The following VPS13A variants were observed in gnomAD, a reference collection of about 807,000 sequenced individuals.
VPS13A encodes the protein vacuolar protein sorting 13 homolog A, also known as intermembrane lipid transfer protein VPS13A.
VPS13A carries 264 observed loss-of-function variants against 390.9 expected under a neutral mutation model. The observed-to-expected ratio is 0.68, with a 90% CI of 0.61 to 0.75. VPS13A has a LOEUF of 0.75. Ranked by LOEUF, VPS13A falls within the 30% of genes least tolerant of loss-of-function variation. VPS13A has a pLI of 0.00. For synonymous variants in VPS13A, 1,231 were observed against 1,227.1 expected (o/e 1.00, Z -0.07); for missense variants, 3,409 against 3,733.9 (o/e 0.91, Z 2.27).
Position 77,260,174 on chromosome 9 carries a change from C to G in VPS13A, c.2377C>G (p.Pro793Ala). Reference sequence around the variant, plus strand: ...GATTATGGAATTGATTGAAAGCATTCCAAAACCTGAACCAGTAACTGAAGT... The same window carrying G: ...GATTATGGAATTGATTGAAAGCATTGCAAAACCTGAACCAGTAACTGAAGT... ...QGIMELIESI[P>A]KPEPVTEVSA... The change falls in exon 23 of 72, where the codon CCA becomes GCA. Residue 793 changes from proline to alanine, a missense_variant. Pro to Ala is a conservative substitution (Grantham distance 27, BLOSUM62 -1). Coordinates refer to ENST00000360280, the MANE Select transcript of VPS13A (RefSeq NM_033305.3). 1 of 1,612,994 alleles carries G rather than the reference C, an allele frequency of 6.2e-7. No individual in the cohort carries two copies. Among genetic ancestry groups the G allele is most frequent in the Non-Finnish European group, 8.5e-7 (1 of 1,179,370 alleles).
At chr9:77,186,520 C>T (rs1042929549) in intron 1 of VPS13A, among the ~76,000 whole-genome samples, 27 of 152,224 alleles carry the variant, frequency 1.8e-4, no homozygotes, top group Admixed American at 1.8e-3. Flanking sequence ...TTACTGCAAC[C>T]TCTGCCTCCT....
chr9:77,360,590 C>G lies in VPS13A; in HGVS notation c.8160C>G (p.Ile2720Met). 1 of 1,612,946 alleles carries G rather than the reference C, an allele frequency of 6.2e-7. No homozygotes were observed. Among genetic ancestry groups the G allele is most frequent in the East Asian group, 2.2e-5 (1 of 44,672 alleles). Reference protein sequence around the residue: ...EMDLRLDLGFIYALTDLMTEA... With the variant: ...EMDLRLDLGFMYALTDLMTEA... ...ATCTCAGGTTAGATCTTGGGTTTAT[C>G]TATGCTTTAACAGACCTTATGACAG... Residue 2720 changes from isoleucine to methionine, a missense_variant, in exon 59 of 72, where the codon ATC (isoleucine) becomes ATG (methionine). Physicochemically the swap from Ile to Met is conservative, Grantham distance 10. This residue lies in a region of VPS13A where 221 missense variants were observed against 300.7 expected (regional missense o/e 0.73). Transcript: ENST00000360280.
intron 1 of VPS13A, among the ~76,000 whole-genome samples, chr9:77,179,344 C>T (rs1337169852): frequency 2.0e-5 from 3 of 152,224 alleles, no homozygotes; most frequent in Non-Finnish European, 2.9e-5. Context: ...CATCAAGCCT[C>T]CCGAATTCTC....
chr9:77,183,787 G>T (rs955855304), intron 1 of VPS13A, among the ~76,000 whole-genome samples: 2 of 152,208 alleles, frequency 1.3e-5, no homozygotes, highest in African/African-American at 4.8e-5. Flanking sequence ...ACACAGATGT[G>T]CATAGCAGCT....
intron 54 of VPS13A, among the ~76,000 whole-genome samples, chr9:77,353,951 A>G (rs941607451): frequency 5.3e-5 from 8 of 152,088 alleles, no homozygotes; most frequent in Non-Finnish European, 7.4e-5. Flanking sequence ...TTCCATTACC[A>G]TCTAGCACAG....
intron 14 of VPS13A, 146 bp from the exon 15 acceptor site, chr9:77,226,320 C>T (rs567172557): frequency 1.4e-6 from 1 of 712,212 alleles, no homozygotes; most frequent in Non-Finnish European, 2.3e-6. Flanking sequence ...ACTAATGTTG[C>T]AGTTTCTGTG....
Position 77,259,177 on chromosome 9 carries a change from T to G in VPS13A, c.2289-909T>G, listed in dbSNP as rs190096490. Reference sequence around the variant, plus strand: ...GAAACTCCACAGGTGTCAGGAACATTCCCTTGAAAGTTGAGCTGCGTTAAG... The same window carrying G: ...GAAACTCCACAGGTGTCAGGAACATGCCCTTGAAAGTTGAGCTGCGTTAAG... On this transcript the variant is annotated intron_variant, in intron 22 of 71. Coordinates refer to ENST00000360280, the MANE Select transcript of VPS13A (RefSeq NM_033305.3). 2.2e-4 allele frequency among the ~76,000 whole-genome samples: 34 copies of G among 152,276 alleles called. 1 individual carries two copies. The East Asian group carries it at 4.8e-3, about 22-fold the overall frequency.
At chr9:77,337,209 G>T (rs1377862136) in intron 46 of VPS13A, 46 bp from the exon 47 acceptor site, 2 of 1,548,794 alleles carry the variant, frequency 1.3e-6, no homozygotes, top group East Asian at 2.3e-5. Flanking sequence ...AGTTTAATAT[G>T]TTTTCCTTTA....
intron 33 of VPS13A, among the ~76,000 whole-genome samples, chr9:77,300,005 A>T (rs893460114): frequency 9.2e-5 from 14 of 152,166 alleles, no homozygotes; most frequent in African/African-American, 3.1e-4. Flanking sequence ...TGACGGGTTG[A>T]TGGGTGCAGC....
Position 77,340,530 on chromosome 9 carries a change from C to G in VPS13A, c.7006C>G (p.Leu2336Val). 6.2e-7 allele frequency: 1 copy of G among 1,612,590 alleles called. No individual in the cohort carries two copies. The highest frequency in any genetic ancestry group is 1.7e-5 in the Admixed American group (1 of 59,992). ...GGCTGAAGAAGGAAATGATAAATGG[C>G]TCTCTCTTGATTTGGAGCAGGTGGG... ...SVAEEGNDKW[L>V]SLDLEQCIPF... The change falls in exon 50 of 72, where the codon CTC (leucine) becomes GTC (valine). Residue 2336 changes from leucine to valine, a missense_variant. By Grantham distance (32) the Leu-to-Val change is conservative (BLOSUM62 1). This residue lies in a region of VPS13A where 2,717 missense variants were observed against 2,917.4 expected (regional missense o/e 0.93). Coordinates refer to ENST00000360280, the MANE Select transcript of VPS13A (RefSeq NM_033305.3).
chr9:77,341,757 A>G (rs72746020), intron 50 of VPS13A, among the ~76,000 whole-genome samples: 10,666 of 119,868 alleles, frequency 0.089, 531 homozygotes, highest in Middle Eastern at 0.15. Context: ...TAAGTCTTCA[A>G]CTGAGTATTT....
At chr9:77,236,025 T>G (rs1025826836) in intron 17 of VPS13A, among the ~76,000 whole-genome samples, 4 of 152,190 alleles carry the variant, frequency 2.6e-5, no homozygotes, top group African/African-American at 9.6e-5. Flanking sequence ...TGTTAGATGA[T>G]TTTTCCCAAC....
intron 19 of VPS13A, among the ~76,000 whole-genome samples, chr9:77,240,713 G>A (rs1472310572): frequency 6.6e-6 from 1 of 151,140 alleles, no homozygotes; most frequent in Non-Finnish European, 1.5e-5. Flanking sequence ...TCTGTCCTCA[G>A]GTGATCCATC....
intron 1 of VPS13A, among the ~76,000 whole-genome samples, chr9:77,191,410 C>G (rs1824680765): frequency 6.6e-6 from 1 of 151,788 alleles, no homozygotes; most frequent in Non-Finnish European, 1.5e-5. Flanking sequence ...CCTCCCACCT[C>G]TCAGCCTCCT....
intron 1 of VPS13A, among the ~76,000 whole-genome samples, chr9:77,183,561 C>G (rs569228866): frequency 1.3e-5 from 2 of 152,042 alleles, no homozygotes; most frequent in Non-Finnish European, 2.9e-5. Flanking sequence ...TAATTTATTC[C>G]TTTTTATTGC....
chr9:77,412,204 A>C (rs1361296621), intron 71 of VPS13A, among the ~76,000 whole-genome samples: 9 of 152,224 alleles, frequency 5.9e-5, no homozygotes, highest in Non-Finnish European at 8.8e-5. Context: ...AAACTATTCC[A>C]ATCAATAGAA....
intron 27 of VPS13A, among the ~76,000 whole-genome samples, chr9:77,280,460 A>G (rs1304763765): frequency 1.3e-5 from 2 of 152,102 alleles, no homozygotes; most frequent in Non-Finnish European, 2.9e-5. Context: ...CTAAGTAGAA[A>G]TGACCTGGAG....
chr9:77,370,151 C>T (rs1396328528), intron 63 of VPS13A, 106 bp from the exon 64 acceptor site: 4 of 1,223,774 alleles, frequency 3.3e-6, no homozygotes, highest in African/African-American at 1.5e-5. Flanking sequence ...TCTGGGACAA[C>T]ATTATCCATT....
intron 58 of VPS13A, among the ~76,000 whole-genome samples, chr9:77,360,332 T>C (rs537526766): frequency 3.3e-5 from 5 of 152,272 alleles, no homozygotes; most frequent in African/African-American, 9.6e-5. Context: ...AGTTTACTTA[T>C]CTGGTTCCTC....
Sources: allele counts gnomAD v4.1 joint callset (sites outside exome capture counted in the v4.1 genomes callset), GRCh38; gene constraint gnomAD v4.1.1; regional missense constraint gnomAD v4.1.1; transcripts MANE v1.5; gene names NCBI Gene and HGNC (gene_info 2026-07-23, HGNC 2026-07-21).